The following GPR21 variants were observed in gnomAD, a reference collection of about 807,000 sequenced individuals.
GPR21 encodes probable G protein-coupled receptor 21.
In GPR21, 9 loss-of-function variants were observed where a neutral mutation model predicts 21.5. That is an observed-to-expected ratio of 0.42 (90% CI 0.25 to 0.73). The LOEUF (loss-of-function observed/expected upper bound fraction) is 0.73, where lower values mean the gene tolerates loss of function less well. GPR21 is among the 30% of genes least tolerant of loss of function. The pLI, the probability that GPR21 is intolerant of heterozygous loss-of-function variation, is 0.27. For missense variants in GPR21, 416 were observed against 428.9 expected (o/e 0.97, Z 0.27); for synonymous variants, 169 against 159.3 (o/e 1.06, Z -0.46).
chr9:123,037,189 G>A (rs1484706886), downstream of GPR21, among the ~76,000 whole-genome samples: 1 of 152,158 alleles, frequency 6.6e-6, no homozygotes. Flanking sequence ...GAAAGGACAT[G>A]GATATTTATA....
At chr9:123,035,917 T>C (rs1449934402), downstream of GPR21, among the ~76,000 whole-genome samples, 1 of 152,186 alleles carries the variant, frequency 6.6e-6, no homozygotes, top group Non-Finnish European at 1.5e-5. Context: ...AATAAAGCCA[T>C]ATCTAACACC....
At position 123,035,607 on chromosome 9, in the gene GPR21, T is replaced by A; in HGVS notation, c.1041T>A (p.Cys347Ter). The change falls in exon 2 of 2, where the codon TGT (cysteine) becomes TGA (stop). Residue 347 changes from cysteine (C) to a stop codon, truncating the protein, a stop_gained. Coordinates refer to ENST00000616002, the MANE Select transcript of GPR21 (RefSeq NM_005294.3). LOFTEE classifies it high-confidence loss of function. Reference sequence around the variant, plus strand: ...GAAGCAAAGGCCCTCTTAATGGATGTCATATCTGAAGTGGCTCAGTTACGG... The same window carrying A: ...GAAGCAAAGGCCCTCTTAATGGATGACATATCTGAAGTGGCTCAGTTACGG... ...TVRSKGPLNG[C>*]HI is the part of the protein sequence containing the mutation. The A allele has an allele frequency of 6.3e-7, 1 of 1,581,804 alleles. No homozygotes were observed. The highest frequency in any genetic ancestry group is 8.6e-7 in the Non-Finnish European group (1 of 1,167,350).
chr9:123,034,331 G>T lies in GPR21; in HGVS notation c.-236G>T. On this transcript the variant is annotated 5_prime_UTR_variant, in exon 2 of 2. Coordinates refer to ENST00000616002, the MANE Select transcript of GPR21 (RefSeq NM_005294.3). ...GTATGGTGAACCTGGCACTATGGCC[G>T]CGTCTGGGACTGGCCAGACAACTGC... 1.9e-6 allele frequency: 1 copy of T among 535,792 alleles called. No individual in the cohort carries two copies. Among genetic ancestry groups the T allele is most frequent in the Non-Finnish European group, 3.3e-6 (1 of 307,284 alleles). 33.2% of individuals were successfully genotyped at this position (535,792 alleles called of 1,614,324 possible).
Position 123,034,967 on chromosome 9 carries a change from C to T in GPR21, c.401C>T (p.Pro134Leu). The change falls in exon 2 of 2, where the codon CCT (proline) becomes CTT (leucine). Residue 134 changes from proline (P) to leucine (L), a missense_variant. Coordinates refer to ENST00000616002, the MANE Select transcript of GPR21 (RefSeq NM_005294.3). The part of the protein sequence containing the change: ...SIDRYIAITK[P>L]LTYNTLVTPW... ...GATAGATACATTGCCATTACTAAACCTTTAACCTATAATACTCTGGTTACA... is the reference window on the plus strand; with the variant it reads ...GATAGATACATTGCCATTACTAAACTTTTAACCTATAATACTCTGGTTACA... 1.2e-6 allele frequency: 2 copies of T among 1,613,706 alleles called. No homozygotes were observed. Among genetic ancestry groups the T allele is most frequent in the Non-Finnish European group, 1.7e-6 (2 of 1,179,742 alleles).
At chr9:123,039,413 A>G (rs2032841647), downstream of GPR21, among the ~76,000 whole-genome samples, 1 of 152,154 alleles carries the variant, frequency 6.6e-6, no homozygotes, top group Non-Finnish European at 1.5e-5. Flanking sequence ...AAGTTTTAGT[A>G]AGTTTTATAG....
chr9:123,045,521 T>C, the GPR21 span, among the ~76,000 whole-genome samples: 2 of 152,200 alleles, frequency 1.3e-5, no homozygotes, highest in Non-Finnish European at 2.9e-5. Context: ...TTGTAGCCTA[T>C]AGAACACTGG....
rs2032499025 is a variant in GPR21 at position 123,034,486 on chromosome 9, G to A, written c.-81G>A. On this transcript the variant is annotated 5_prime_UTR_variant, in exon 2 of 2. Transcript: ENST00000616002. ...TTATTACACACATGCAAAGCTGACC[G>A]CAATGACAGCAGCTGCTTCTTTGAA... 5.9e-6 allele frequency: 5 copies of A among 842,164 alleles called. No homozygotes were observed. The highest frequency in any genetic ancestry group is 4.4e-5 in the Admixed American group (2 of 45,212). The allele number at this position is 842,164 out of a possible 1,614,324, so 52.2% of individuals were successfully genotyped here.
the GPR21 span, among the ~76,000 whole-genome samples, chr9:123,048,503 G>A: frequency 4.6e-5 from 7 of 152,096 alleles, no homozygotes; most frequent in Non-Finnish European, 1.0e-4. Flanking sequence ...AGCATACAAC[G>A]CTTTACAAAA....
the GPR21 span, among the ~76,000 whole-genome samples, chr9:123,044,183 G>A: frequency 4.6e-5 from 7 of 152,242 alleles, no homozygotes; most frequent in South Asian, 2.1e-4. Flanking sequence ...GATTACAGGC[G>A]TGAGCCACCG....
the GPR21 span, among the ~76,000 whole-genome samples, chr9:123,046,453 A>C: frequency 2.6e-5 from 4 of 152,322 alleles, no homozygotes; most frequent in South Asian, 2.1e-4. Context: ...TGTAGTGGCC[A>C]AAAGTATGTG....
chr9:123,047,452 T>C, the GPR21 span, among the ~76,000 whole-genome samples: 1 of 152,184 alleles, frequency 6.6e-6, no homozygotes, highest in Non-Finnish European at 1.5e-5. Context: ...GAGAGTCCTT[T>C]AAGGCATTAC....
downstream of GPR21, among the ~76,000 whole-genome samples, chr9:123,037,658 G>A (rs1280196174): frequency 6.6e-6 from 1 of 152,106 alleles, no homozygotes; most frequent in Non-Finnish European, 1.5e-5. Context: ...TAGAAAATAT[G>A]GCAATTTTAA....
At chr9:123,040,357 A>T (rs929984698), downstream of GPR21, among the ~76,000 whole-genome samples, 1 of 152,206 alleles carries the variant, frequency 6.6e-6, no homozygotes, top group Non-Finnish European at 1.5e-5. Flanking sequence ...GCAGATATTT[A>T]TGGGAAGCCA....
chr9:123,040,889 G>T, the GPR21 span, among the ~76,000 whole-genome samples: 1 of 152,050 alleles, frequency 6.6e-6, no homozygotes, highest in Non-Finnish European at 1.5e-5. Context: ...GAATCATTTG[G>T]TCTGATTCTG....
the GPR21 span, among the ~76,000 whole-genome samples, chr9:123,043,362 G>A: frequency 6.6e-6 from 1 of 152,122 alleles, no homozygotes; most frequent in Admixed American, 6.5e-5. Context: ...TAGGAGGTAT[G>A]TCTCTAGGAA....
chr9:123,046,902 C>T, the GPR21 span, among the ~76,000 whole-genome samples: 1 of 152,170 alleles, frequency 6.6e-6, no homozygotes, highest in Non-Finnish European at 1.5e-5. Context: ...CCTTAGCAGA[C>T]ATAATCTGGA....
At chr9:123,048,699 A>G in the GPR21 span, among the ~76,000 whole-genome samples, 37 of 152,268 alleles carry the variant, frequency 2.4e-4, no homozygotes, top group Admixed American at 2.4e-3. Flanking sequence ...TAGTTCACCC[A>G]TAAATTACCT....
At chr9:123,042,111 A>C in the GPR21 span, among the ~76,000 whole-genome samples, 1 of 152,224 alleles carries the variant, frequency 6.6e-6, no homozygotes, top group African/African-American at 2.4e-5. Flanking sequence ...GCTGTAAGAA[A>C]GTCTGTGTGT....
chr9:123,035,639 CGTGTGT>C (rs5900552), exon 2 of GPR21: 37,945 of 731,190 alleles, frequency 0.052, 427 homozygotes, highest in East Asian at 0.086. Flanking sequence ...ACGGGGTTCC[CGTGTGT>C]GTGTGTGTGT....
Sources: allele counts gnomAD v4.1 joint callset (sites outside exome capture counted in the v4.1 genomes callset), GRCh38; gene constraint gnomAD v4.1.1; transcripts MANE v1.5; gene names NCBI Gene and HGNC (gene_info 2026-07-23, HGNC 2026-07-21).